Variants in ADK observed in about 807,000 individuals in gnomAD.
ADK encodes N6,N6-dimethyladenosine kinase.
ADK carries 24 observed loss-of-function variants against 44.7 expected under a neutral mutation model. The observed-to-expected ratio is 0.54, with a 90% CI of 0.39 to 0.76. ADK has a LOEUF of 0.76. Ranked by LOEUF, ADK falls within the 30% of genes least tolerant of loss-of-function variation. ADK has a pLI of 0.00. For synonymous variants in ADK, 128 were observed against 142.6 expected (o/e 0.90, Z 0.73); for missense variants, 321 against 425.1 (o/e 0.76, Z 2.15).
intron 2 of ADK, among the ~76,000 whole-genome samples, chr10:74,209,179 G>T (rs1360866616): frequency 6.6e-6 from 1 of 152,116 alleles, no homozygotes; most frequent in Non-Finnish European, 1.5e-5. Context: ...TTATGAATGG[G>T]GTTAGCACAC....
chr10:74,360,788 G>C (rs1314858036), intron 4 of ADK, among the ~76,000 whole-genome samples: 3 of 152,078 alleles, frequency 2.0e-5, no homozygotes, highest in Non-Finnish European at 4.4e-5. Context: ...TATTTGAATA[G>C]AATATCTTTC....
At chr10:74,642,824 GTTCTT>G (rs1853916651) in intron 9 of ADK, among the ~76,000 whole-genome samples, 1 of 119,580 alleles carries the variant, frequency 8.4e-6, no homozygotes, top group Non-Finnish European at 1.7e-5. Flanking sequence ...AAAATCTTAA[GTTCTT>G]TTTTTTTTTT....
chr10:74,340,380 CA>C (rs766695657), intron 4 of ADK, among the ~76,000 whole-genome samples: 2 of 152,042 alleles, frequency 1.3e-5, no homozygotes, highest in Non-Finnish European at 2.9e-5. Flanking sequence ...TGACAATCTT[CA>C]TTTATATACC....
intron 1 of ADK, among the ~76,000 whole-genome samples, chr10:74,157,876 C>T (rs990078191): frequency 2.6e-5 from 4 of 152,044 alleles, no homozygotes; most frequent in Admixed American, 6.6e-5. Flanking sequence ...TGGGCAACAG[C>T]GCAACTCCAT....
At chr10:74,331,806 T>G (rs901543110) in intron 4 of ADK, among the ~76,000 whole-genome samples, 1 of 152,042 alleles carries the variant, frequency 6.6e-6, no homozygotes, top group Non-Finnish European at 1.5e-5. Flanking sequence ...TTTCTTTAAC[T>G]TCATATCATT....
chr10:74,399,618 T>G (rs1486162953), intron 6 of ADK, among the ~76,000 whole-genome samples: 1 of 152,006 alleles, frequency 6.6e-6, no homozygotes, highest in African/African-American at 2.4e-5. Context: ...TTTTACCCCT[T>G]TATTATTTCC....
Position 74,465,520 on chromosome 10 carries a change from G to A in ADK, c.556-59736G>A, listed in dbSNP as rs568019256. On this transcript the variant is annotated intron_variant, in intron 6 of 10. Coordinates refer to ENST00000539909, the MANE Select transcript of ADK (RefSeq NM_006721.4). ...ATATTTTAGTAGGGTTATTCTCACT[G>A]TTATATGGACAAAACTGAATGGGGC... 7.9e-5 allele frequency among the ~76,000 whole-genome samples: 12 copies of A among 152,270 alleles called. No individual in the cohort carries two copies. The South Asian group carries it at 2.3e-3, about 29-fold the overall frequency.
At chr10:74,252,883 C>T (rs2132342385) in intron 3 of ADK, among the ~76,000 whole-genome samples, 1 of 152,200 alleles carries the variant, frequency 6.6e-6, no homozygotes, top group South Asian at 2.1e-4. Context: ...TGTATCATAC[C>T]CTCATATTGG....
intron 3 of ADK, among the ~76,000 whole-genome samples, chr10:74,238,245 G>A (rs976761946): frequency 1.3e-5 from 2 of 152,182 alleles, no homozygotes; most frequent in African/African-American, 4.8e-5. Context: ...TCCTAAACCA[G>A]TTACTGGCAA....
At chr10:74,158,729 T>A (rs1308318664) in intron 1 of ADK, among the ~76,000 whole-genome samples, 1 of 152,230 alleles carries the variant, frequency 6.6e-6, no homozygotes, top group South Asian at 2.1e-4. Flanking sequence ...AAAAGTTGGC[T>A]ACTGTGCAGG....
At position 74,591,424 on chromosome 10, in the gene ADK, T is replaced by A. The variant is rs113081827; in HGVS notation, c.762+2107T>A. On this transcript the variant is annotated intron_variant, in intron 8 of 10. Transcript: ENST00000539909. The stretch of plus-strand genomic sequence containing the variant: ...GTGTCTTGATGTGTCTCTTCGTAGA[T>A]TCCCAAAACCATCACAAGCATTGCA... Among the ~76,000 whole-genome samples, 393 of 152,308 alleles carry A rather than the reference T, an allele frequency of 2.6e-3. 3 individuals carry two copies. Among genetic ancestry groups the A allele is most frequent in the African/African-American group, 9.0e-3 (376 of 41,574 alleles).
intron 1 of ADK, among the ~76,000 whole-genome samples, chr10:74,160,469 A>G (rs963751788): frequency 2.0e-5 from 3 of 152,234 alleles, no homozygotes; most frequent in South Asian, 2.1e-4. Context: ...TGCTGCTTCA[A>G]TAAAAGTTGC....
chr10:74,179,213 C>T (rs567278308), intron 1 of ADK, among the ~76,000 whole-genome samples: 1 of 152,222 alleles, frequency 6.6e-6, no homozygotes, highest in Non-Finnish European at 1.5e-5. Flanking sequence ...CTACAGATAC[C>T]AGCCATTTCC....
chr10:74,394,447 C>T (rs1843441592), intron 5 of ADK, 134 bp downstream of exon 5: 1 of 867,122 alleles, frequency 1.2e-6, no homozygotes, highest in African/African-American at 1.7e-5. Flanking sequence ...TTCCTTATAT[C>T]AGTTTTCCTG....
At chr10:74,306,785 T>C (rs919108072) in intron 3 of ADK, among the ~76,000 whole-genome samples, 1 of 152,176 alleles carries the variant, frequency 6.6e-6, no homozygotes, top group Non-Finnish European at 1.5e-5. Context: ...GGACTTTTAA[T>C]TGATACCAGT....
intron 3 of ADK, among the ~76,000 whole-genome samples, chr10:74,278,828 A>G (rs2132436938): frequency 6.6e-6 from 1 of 152,344 alleles, no homozygotes; most frequent in African/African-American, 2.4e-5. Context: ...GTTAGCCATC[A>G]CACTCAGCTT....
Position 74,553,190 on chromosome 10 carries a change from G to GTTTTTTT in ADK, c.726+27787_726+27793dup, listed in dbSNP as rs386371837. ...ACAAGACAATTTTTCAGCACATTGT[G>GTTTTTTT]TTTTTTTTTTTTTTTTTTTTTTTTT... On this transcript the variant is annotated intron_variant, in intron 7 of 10. Coordinates refer to ENST00000539909, the MANE Select transcript of ADK (RefSeq NM_006721.4). 5.5e-4 allele frequency among the ~76,000 whole-genome samples: 33 copies of GTTTTTTT among 60,440 alleles called. 3 individuals carry two copies. The highest frequency in any genetic ancestry group is 3.4e-3 in the East Asian group (5 of 1,470). The allele number at this position is 60,440 out of a possible 152,430, so 39.7% of individuals were successfully genotyped here. A position where few individuals can be genotyped will look rare whatever the true frequency, so the allele number is the denominator to read the frequency against.
At chr10:74,625,331 T>C (rs919182596) in intron 9 of ADK, among the ~76,000 whole-genome samples, 2 of 152,018 alleles carry the variant, frequency 1.3e-5, no homozygotes, top group Admixed American at 1.3e-4. Context: ...AAAGGCAGAG[T>C]CCTTCATATG....
At chr10:74,243,778 G>T (rs908679119) in intron 3 of ADK, among the ~76,000 whole-genome samples, 1 of 152,086 alleles carries the variant, frequency 6.6e-6, no homozygotes. Context: ...CACGGAAATC[G>T]CTTGAACCCA....
Sources: gnomAD v4.1 joint callset for allele counts (sites outside exome capture counted in the v4.1 genomes callset) on GRCh38, gnomAD v4.1.1 for gene constraint, MANE v1.5 for transcripts, NCBI Gene and HGNC (gene_info 2026-07-23, HGNC 2026-07-21) for gene names.